MYH14: variants seen among roughly 807,000 people sequenced by gnomAD.
MYH14 encodes myosin-14.
Under a neutral mutation model 255.5 loss-of-function variants are expected in MYH14, and 123 were observed. The ratio of observed to expected loss-of-function variants is 0.48; its 90% CI spans 0.42 to 0.56. The LOEUF is 0.56. Among genes scored for constraint, MYH14 ranks in the 20% least tolerant of loss-of-function variants. MYH14 has a pLI of 0.00. For synonymous variants in MYH14, 1,095 were observed against 1,161.2 expected (o/e 0.94, Z 1.16); for missense variants, 2,423 against 2,802.3 (o/e 0.86, Z 3.06).
intron 1 of MYH14, among the ~76,000 whole-genome samples, chr19:50,207,867 T>C (rs1437027623): frequency 6.6e-6 from 1 of 152,152 alleles, no homozygotes; most frequent in Non-Finnish European, 1.5e-5. Flanking sequence ...ATCATTTGGC[T>C]CTAGCCATGC....
At chr19:50,253,514 A>C (rs1444709623) in intron 16 of MYH14, among the ~76,000 whole-genome samples, 1 of 152,058 alleles carries the variant, frequency 6.6e-6, no homozygotes. Context: ...GATCTTTTGC[A>C]GGTCAGTCAA....
At position 50,281,611 on chromosome 19, in the gene MYH14, G is replaced by T; in HGVS notation, c.4308G>T (p.Arg1436=). 6.3e-7 allele frequency: 1 copy of T among 1,592,094 alleles called. No individual in the cohort carries two copies. Among genetic ancestry groups the T allele is most frequent in the South Asian group, 1.1e-5 (1 of 89,078 alleles). Residue 1436 remains arginine, a synonymous_variant, in exon 33 of 43, where the codon CGG becomes CGT. Transcript: ENST00000642316. The part of the protein sequence containing the change: ...TAQAQLSEWR[R]RQEEEAGALE... ...CCCCTCAGCTTTCCGAGTGGCGGCGGCGCCAGGAGGAGGAGGCAGGGGCAC... is the reference window on the plus strand; with the variant it reads ...CCCCTCAGCTTTCCGAGTGGCGGCGTCGCCAGGAGGAGGAGGCAGGGGCAC...
At chr19:50,309,363 A>G in intron 42 of MYH14, 186 bp downstream of exon 42, 3 of 641,502 alleles carry the variant, frequency 4.7e-6, no homozygotes, top group African/African-American at 1.8e-5. Flanking sequence ...TCCCACACCC[A>G]TTTCTCCCTG....
intron 29 of MYH14, among the ~76,000 whole-genome samples, chr19:50,277,506 G>A (rs1295552811): frequency 6.6e-6 from 1 of 151,982 alleles, no homozygotes; most frequent in Admixed American, 6.6e-5. Context: ...TACTTGAGAG[G>A]CTGAGGCAGG....
chr19:50,217,853 A>G (rs1181258221), intron 3 of MYH14, 82 bp downstream of exon 3: 10 of 1,525,560 alleles, frequency 6.6e-6, no homozygotes, highest in Non-Finnish European at 8.0e-6. Context: ...GCCAGAGTCC[A>G]GGTCAAATGA....
At position 50,210,595 on chromosome 19, in the gene MYH14, A is replaced by C. The variant is rs748365469; in HGVS notation, c.230A>C (p.Glu77Ala). The change falls in exon 2 of 43, where the codon GAG becomes GCG. Residue 77 changes from glutamate to alanine, a missense_variant. Physicochemically the swap from Glu to Ala is moderately radical, Grantham distance 107 (BLOSUM62 -1). Coordinates refer to ENST00000642316, the MANE Select transcript of MYH14 (RefSeq NM_001145809.2). ...AAALRDEGEE[E>A]AEVELAESGR... Reference sequence around the variant, plus strand: ...GCGCTGCGGGACGAAGGCGAGGAGGAGGCGGAGGTGGAGCTGGCGGAGAGC... The same window carrying C: ...GCGCTGCGGGACGAAGGCGAGGAGGCGGCGGAGGTGGAGCTGGCGGAGAGC... 8.3e-6 allele frequency: 13 copies of C among 1,573,228 alleles called. No individual in the cohort carries two copies. In the African/African-American group the frequency reaches 1.5e-4, roughly 18 times the overall value.
chr19:50,211,065 C>A (rs544704122), intron 2 of MYH14, among the ~76,000 whole-genome samples: 1 of 152,080 alleles, frequency 6.6e-6, no homozygotes, highest in Non-Finnish European at 1.5e-5. Flanking sequence ...TTTTAAGGAA[C>A]GGAAACAGAT....
At chr19:50,268,782 C>T (rs1453701934) in intron 24 of MYH14, among the ~76,000 whole-genome samples, 2 of 152,172 alleles carry the variant, frequency 1.3e-5, no homozygotes, top group African/African-American at 4.8e-5. Context: ...TGGCTGGATC[C>T]AGGTGCCCAA....
At chr19:50,246,079 A>C (rs2034107880) in intron 11 of MYH14, among the ~76,000 whole-genome samples, 14 of 102,836 alleles carry the variant, frequency 1.4e-4, no homozygotes, top group South Asian at 3.9e-4. Context: ...CTCTACTGGG[A>C]TTCCCCCCCT....
At chr19:50,286,977 G>T (rs2035913134) in intron 34 of MYH14, among the ~76,000 whole-genome samples, 4 of 152,112 alleles carry the variant, frequency 2.6e-5, no homozygotes, top group African/African-American at 9.7e-5. Flanking sequence ...AATTAGCCAG[G>T]CATGGTGGCA....
Position 50,217,727 on chromosome 19 carries a change from A to G in MYH14, c.518A>G (p.His173Arg). ...AAGAAGCGCCACGAGGTGCCACCCCACGTGTACGCAGTGACCGAGGGGGCC... is the reference window on the plus strand; with the variant it reads ...AAGAAGCGCCACGAGGTGCCACCCCGCGTGTACGCAGTGACCGAGGGGGCC... ...RGKKRHEVPPHVYAVTEGAYR... is the reference protein window; with the variant it reads ...RGKKRHEVPPRVYAVTEGAYR... Residue 173 changes from histidine (H) to arginine (R), a missense_variant, in exon 3 of 43, where the codon CAC becomes CGC. Transcript: ENST00000642316. The G allele has an allele frequency of 1.9e-6, 3 of 1,613,922 alleles. No individual in the cohort carries two copies. The highest frequency in any genetic ancestry group is 2.5e-6 in the Non-Finnish European group (3 of 1,179,882).
intron 2 of MYH14, among the ~76,000 whole-genome samples, chr19:50,216,110 T>C (rs2032458535): frequency 6.6e-6 from 1 of 152,252 alleles, no homozygotes; most frequent in African/African-American, 2.4e-5. Flanking sequence ...TATGTTTAAC[T>C]GCTTCTGTGA....
intron 19 of MYH14, 48 bp downstream of exon 19, chr19:50,259,313 C>A (rs755682161): frequency 6.5e-7 from 1 of 1,547,824 alleles, no homozygotes; most frequent in South Asian, 1.2e-5. Context: ...TGGGTGGGAC[C>A]CGGGTCTGGA....
Position 50,310,439 on chromosome 19 carries a change from T to C in MYH14, c.*649T>C. 1 of 153,638 alleles carries C rather than the reference T, an allele frequency of 6.5e-6. No homozygotes were observed. The highest frequency in any genetic ancestry group is 1.4e-5 in the Non-Finnish European group (1 of 69,028). 9.5% of individuals were successfully genotyped at this position (153,638 alleles called of 1,614,324 possible). On this transcript the variant is annotated 3_prime_UTR_variant, in exon 43 of 43. Coordinates refer to ENST00000642316, the MANE Select transcript of MYH14 (RefSeq NM_001145809.2). The stretch of plus-strand genomic sequence containing the variant: ...GCTGCCCATGCTCTGCCCTCCCTTC[T>C]GGTTGCTCTGAGGGTTCGGAGCTTC...
intron 40 of MYH14, 51 bp downstream of exon 40, chr19:50,301,920 G>A: frequency 6.9e-7 from 1 of 1,455,348 alleles, no homozygotes; most frequent in Non-Finnish European, 9.5e-7. Flanking sequence ...CATTCTGGTT[G>A]GTGAGAGGAA....
intron 1 of MYH14, among the ~76,000 whole-genome samples, chr19:50,206,899 A>G (rs1466174584): frequency 6.6e-6 from 1 of 151,702 alleles, no homozygotes; most frequent in South Asian, 2.1e-4. Context: ...TGGGGCAGTG[A>G]TGGGGACATT....
In MYH14 at chr19:50,230,739, G is replaced by A. The variant is rs2033337972; in HGVS notation, c.973+116G>A. The A allele has an allele frequency of 9.8e-6, 8 of 814,336 alleles. No homozygotes were observed. Among genetic ancestry groups the A allele is most frequent in the South Asian group, 9.7e-5 (6 of 61,988 alleles). 50.4% of individuals were successfully genotyped at this position (814,336 alleles called of 1,614,324 possible). On this transcript the variant is annotated intron_variant, in intron 9 of 42. Coordinates refer to ENST00000642316, the MANE Select transcript of MYH14 (RefSeq NM_001145809.2). This position sits in a 1 kb window ranked among gnomAD's most constrained non-coding sequence, Gnocchi z 4.7. Reference sequence around the variant, plus strand: ...GGGGCTCTAATATCCGTCAAACACCGACTTCGCATGAGGCTCCCGCAGCCC... The same window carrying A: ...GGGGCTCTAATATCCGTCAAACACCAACTTCGCATGAGGCTCCCGCAGCCC...
intron 19 of MYH14, among the ~76,000 whole-genome samples, chr19:50,259,827 G>A (rs1201692561): frequency 6.6e-6 from 1 of 152,046 alleles, no homozygotes. Flanking sequence ...GCAGTGAGCC[G>A]AGATTGCGCC....
In MYH14 at chr19:50,310,108, C is replaced by T; in HGVS notation, c.*318C>T. ...TCTTCCCTCGTTATTGATCTATAGA[C>T]ATTAGGAAGGGAGTGAGACGGCTCC... On this transcript the variant is annotated 3_prime_UTR_variant, in exon 43 of 43. Transcript: ENST00000642316. 4.6e-6 allele frequency: 2 copies of T among 435,594 alleles called. No individual in the cohort carries two copies. Among genetic ancestry groups the T allele is most frequent in the Middle Eastern group, 6.0e-4 (1 of 1,680 alleles). The allele number at this position is 435,594 out of a possible 1,614,324, so 27.0% of individuals were successfully genotyped here.
Sources: allele counts gnomAD v4.1 joint callset (sites outside exome capture counted in the v4.1 genomes callset), GRCh38; gene constraint gnomAD v4.1.1; non-coding constraint Gnocchi (gnomAD v3.1); transcripts MANE v1.5; gene names NCBI Gene and HGNC (gene_info 2026-07-23, HGNC 2026-07-21).